FHIP1A: variants seen among roughly 807,000 people sequenced by gnomAD.
The protein encoded by FHIP1A is FHF complex subunit HOOK interacting protein 1A.
A neutral mutation model predicts 88.6 loss-of-function variants in FHIP1A; 61 were observed. The ratio of observed to expected loss-of-function variants is 0.69; its 90% CI spans 0.56 to 0.85. The LOEUF (loss-of-function observed/expected upper bound fraction) is 0.85, where lower values mean the gene tolerates loss of function less well. FHIP1A is among the 40% of genes least tolerant of loss of function. The pLI is 0.00. For synonymous variants in FHIP1A, 478 were observed against 496.0 expected, an observed-to-expected ratio of 0.96 and a Z score of 0.48; for missense variants, 1,154 against 1,273.5, an observed-to-expected ratio of 0.91 and a Z score of 1.43.
intron 2 of FHIP1A, among the ~76,000 whole-genome samples, chr4:151,480,163 G>A (rs1316156208): frequency 6.6e-6 from 1 of 152,078 alleles, no homozygotes; most frequent in Non-Finnish European, 1.5e-5. Flanking sequence ...TGCTTTCGAT[G>A]TCATTCTGTG....
intron 3 of FHIP1A, among the ~76,000 whole-genome samples, chr4:151,522,264 G>A (rs1731473507): frequency 6.6e-6 from 1 of 152,200 alleles, no homozygotes; most frequent in Non-Finnish European, 1.5e-5. Context: ...TGTGGATACA[G>A]GGTATGGGGG....
At chr4:151,578,866 A>C (rs116234462) in intron 5 of FHIP1A, among the ~76,000 whole-genome samples, 1,913 of 152,322 alleles carry the variant, frequency 0.013, 38 homozygotes, top group African/African-American at 0.044. Flanking sequence ...TTAGCAGGTG[A>C]ATAGACAAAT....
intron 3 of FHIP1A, among the ~76,000 whole-genome samples, chr4:151,526,535 G>A (rs1414787651): frequency 8.1e-6 from 1 of 123,680 alleles, no homozygotes; most frequent in African/African-American, 3.0e-5. Flanking sequence ...AGGCAGAGGG[G>A]CTACTCACTT....
intron 1 of FHIP1A, among the ~76,000 whole-genome samples, chr4:151,430,172 G>A (rs1048731088): frequency 7.2e-5 from 11 of 152,180 alleles, no homozygotes; most frequent in Admixed American, 5.2e-4. Flanking sequence ...TTTTGCTTCT[G>A]GTTATGAGGT....
intron 3 of FHIP1A, among the ~76,000 whole-genome samples, chr4:151,501,928 A>G (rs13110276): frequency 6.6e-6 from 1 of 151,832 alleles, no homozygotes; most frequent in Admixed American, 6.6e-5. Flanking sequence ...ACAGAAATGG[A>G]CAGAAACTAT....
intron 3 of FHIP1A, among the ~76,000 whole-genome samples, chr4:151,520,867 G>C (rs1230982371): frequency 4.6e-5 from 7 of 152,206 alleles, no homozygotes; most frequent in South Asian, 2.1e-4. Context: ...CTTCAAAAAG[G>C]CTTTCTTAGA....
At chr4:151,607,188 A>C (rs1470511411) in intron 7 of FHIP1A, among the ~76,000 whole-genome samples, 1 of 152,206 alleles carries the variant, frequency 6.6e-6, no homozygotes, top group African/African-American at 2.4e-5. Flanking sequence ...GAGCCCAAGC[A>C]ATCATTCTGT....
At chr4:151,539,141 TC>T (rs1426017367) in intron 3 of FHIP1A, among the ~76,000 whole-genome samples, 1 of 152,214 alleles carries the variant, frequency 6.6e-6, no homozygotes, top group South Asian at 2.1e-4. Flanking sequence ...GTAGCACTTC[TC>T]CCCCAAAGGA....
intron 3 of FHIP1A, among the ~76,000 whole-genome samples, chr4:151,551,880 A>G (rs1732748578): frequency 6.6e-6 from 1 of 152,262 alleles, no homozygotes; most frequent in Admixed American, 6.5e-5. Context: ...AACTACCATC[A>G]GAGTGAACAG....
chr4:151,490,341 C>G lies in FHIP1A; in HGVS notation c.-123+7693C>G, dbSNP rs551367962. ...ATGGATCACATCACGGGACTCTTTG[C>G]AGACATTCCCCAGCACCAGCCCAGA... On this transcript the variant is annotated intron_variant, in intron 3 of 13. Transcript: ENST00000435205. Among the ~76,000 whole-genome samples the G allele has an allele frequency of 1.4e-4, 22 of 152,304 alleles. No individual in the cohort carries two copies. The East Asian group carries it at 4.1e-3, about 28-fold the overall frequency.
intron 10 of FHIP1A, 41 bp downstream of exon 10, chr4:151,646,789 C>T (rs1391295127): frequency 2.9e-6 from 4 of 1,386,728 alleles, no homozygotes; most frequent in Non-Finnish European, 4.0e-6. Flanking sequence ...AAAAGGATGC[C>T]AGTTCCATCT....
chr4:151,527,223 G>T (rs911199042), intron 3 of FHIP1A, among the ~76,000 whole-genome samples: 52 of 152,350 alleles, frequency 3.4e-4, no homozygotes, highest in African/African-American at 1.2e-3. Context: ...CTGCACTCCA[G>T]CCTGGGCACC....
intron 2 of FHIP1A, among the ~76,000 whole-genome samples, chr4:151,470,430 C>G (rs1729467926): frequency 6.6e-6 from 1 of 152,150 alleles, no homozygotes; most frequent in African/African-American, 2.4e-5. Flanking sequence ...ATGCATTCCT[C>G]TTTTACTTCA....
At chr4:151,657,600 T>C (rs1172272728) in intron 13 of FHIP1A, among the ~76,000 whole-genome samples, 1 of 152,186 alleles carries the variant, frequency 6.6e-6, no homozygotes, top group East Asian at 1.9e-4. Context: ...TGCTGACCAT[T>C]GTCCCCTGAG....
At chr4:151,464,056 A>G (rs1729224405) in intron 2 of FHIP1A, among the ~76,000 whole-genome samples, 1 of 151,520 alleles carries the variant, frequency 6.6e-6, no homozygotes, top group Non-Finnish European at 1.5e-5. Flanking sequence ...CTTATTTTTT[A>G]CCCTTTTTTC....
At chr4:151,605,487 G>A (rs1389860127) in intron 7 of FHIP1A, among the ~76,000 whole-genome samples, 1 of 152,190 alleles carries the variant, frequency 6.6e-6, no homozygotes, top group Non-Finnish European at 1.5e-5. Context: ...GCAGCCAGCT[G>A]TGTTTCATTC....
At chr4:151,474,707 G>T (rs1285175439) in intron 2 of FHIP1A, among the ~76,000 whole-genome samples, 1 of 152,226 alleles carries the variant, frequency 6.6e-6, no homozygotes, top group Non-Finnish European at 1.5e-5. Flanking sequence ...TAATAAACAC[G>T]TGTTTATTGG....
chr4:151,535,855 T>A (rs1732049180), intron 3 of FHIP1A, among the ~76,000 whole-genome samples: 1 of 152,270 alleles, frequency 6.6e-6, no homozygotes, highest in Non-Finnish European at 1.5e-5. Flanking sequence ...ATAGTGTGTA[T>A]GTACCACATT....
chr4:151,496,961 A>T (rs1182915628), intron 3 of FHIP1A, among the ~76,000 whole-genome samples: 1 of 151,918 alleles, frequency 6.6e-6, no homozygotes, highest in South Asian at 2.1e-4. Context: ...ATATAAATAT[A>T]ATATAAATAT....
Sources: gnomAD v4.1 joint callset for allele counts (sites outside exome capture counted in the v4.1 genomes callset) on GRCh38, gnomAD v4.1.1 for gene constraint, MANE v1.5 for transcripts, NCBI Gene and HGNC (gene_info 2026-07-23, HGNC 2026-07-21) for gene names.